AFDN: variants seen among roughly 807,000 people sequenced by gnomAD.
AFDN encodes the protein afadin.
A neutral mutation model predicts 216.6 loss-of-function variants in AFDN; 68 were observed. The ratio of observed to expected loss-of-function variants is 0.31; its 90% CI spans 0.26 to 0.38. The LOEUF is 0.38. AFDN is among the 10% of genes least tolerant of loss of function. AFDN has a pLI of 1.00. For missense variants in AFDN, 2,136 were observed against 2,342.0 expected, an observed-to-expected ratio of 0.91 and a Z score of 1.82; for synonymous variants, 868 against 853.7, an observed-to-expected ratio of 1.02 and a Z score of -0.29.
chr6:167,949,235 T>TA (rs1795687725), intron 29 of AFDN, among the ~76,000 whole-genome samples: 1 of 152,206 alleles, frequency 6.6e-6, no homozygotes, highest in South Asian at 2.1e-4. Context: ...TAAAAATAGT[T>TA]ACAGTCTAGG....
At chr6:167,917,255 CCA>C in intron 20 of AFDN, 23 bp downstream of exon 20, 1 of 1,565,556 alleles carries the variant, frequency 6.4e-7, no homozygotes, top group Non-Finnish European at 8.6e-7. Flanking sequence ...TGCCACATTA[CCA>C]CACAGTGCGG....
chr6:167,902,384 A>C lies in AFDN; in HGVS notation c.1648A>C (p.Lys550Gln), dbSNP rs374346926. ...TAGTGGGACAGCATTACCGACAAGC[A>C]AGGTAGGTAATTATGGATTACCTGA... ...IHSGTALPTSKSTTRLDSDRV... is the reference protein window; with the variant it reads ...IHSGTALPTSQSTTRLDSDRV... The change falls in exon 12 of 34, where the codon AAG becomes CAG. Residue 550 changes from lysine (K) to glutamine (Q), a missense_variant and splice_region_variant. Coordinates refer to ENST00000683244, the MANE Select transcript of AFDN (RefSeq NM_001386888.1). The C allele has an allele frequency of 3.7e-6, 6 of 1,609,548 alleles. No homozygotes were observed. In the African/African-American group the frequency reaches 8.0e-5, roughly 22 times the overall value.
At position 167,918,812 on chromosome 6, in the gene AFDN, G is replaced by T. The variant is rs770324614; in HGVS notation, c.2787G>T (p.Gln929His). Residue 929 changes from glutamine to histidine, a missense_variant, in exon 21 of 34, where the codon CAG (glutamine) becomes CAT (histidine). By Grantham distance (24) the Gln-to-His change is conservative. This residue lies in a region of AFDN where 162 missense variants were observed against 182.6 expected (regional missense o/e 0.89). Coordinates refer to ENST00000683244, the MANE Select transcript of AFDN (RefSeq NM_001386888.1). ...ELARSDGREV[Q>H]LEEDPDLQLP... is the part of the protein sequence containing the mutation. ...CCCGCAGTGATGGAAGGGAAGTGCA[G>T]TTGGAGGAGGATCCTGATCTGCAGC... 11 of 1,613,106 alleles carry T rather than the reference G, an allele frequency of 6.8e-6. No homozygotes were observed. Among genetic ancestry groups the T allele is most frequent in the Non-Finnish European group, 9.3e-6 (11 of 1,179,376 alleles).
Position 167,966,126 on chromosome 6 carries a change from C to T in AFDN, c.5257+81C>T, listed in dbSNP as rs924401698. 4.6e-6 allele frequency: 7 copies of T among 1,535,702 alleles called. No homozygotes were observed. The Admixed American group carries it at 1.2e-4, about 26-fold the overall frequency. On this transcript the variant is annotated intron_variant, in intron 32 of 33. Coordinates refer to ENST00000683244, the MANE Select transcript of AFDN (RefSeq NM_001386888.1). ...TCTTAAACCACGGCCACCCCCCTGC[C>T]AGCCACGCCCGGCCTCCGATGGCGT...
intron 1 of AFDN, among the ~76,000 whole-genome samples, chr6:167,852,349 T>A (rs1382383921): frequency 6.6e-6 from 1 of 152,200 alleles, no homozygotes; most frequent in African/African-American, 2.4e-5. Flanking sequence ...ATTGGGCTAC[T>A]TTTTCTGTAG....
At chr6:167,871,435 G>A (rs1784787070) in intron 3 of AFDN, among the ~76,000 whole-genome samples, 1 of 152,184 alleles carries the variant, frequency 6.6e-6, no homozygotes, top group African/African-American at 2.4e-5. Context: ...CCTAAGACCA[G>A]TGCAGTGCTC....
intron 30 of AFDN, among the ~76,000 whole-genome samples, chr6:167,957,197 G>T (rs561009082): frequency 1.3e-5 from 1 of 78,120 alleles, no homozygotes; most frequent in Admixed American, 1.4e-4. Flanking sequence ...GCTTCATATG[G>T]GGGGGGCCCA....
At chr6:167,906,312 G>A (rs1170049891) in intron 12 of AFDN, among the ~76,000 whole-genome samples, 9 of 152,156 alleles carry the variant, frequency 5.9e-5, no homozygotes, top group Admixed American at 4.6e-4. Context: ...ATTGTAAGAT[G>A]TTTGTAACAT....
rs201333894 is a variant in AFDN at position 167,947,914 on chromosome 6, A to G, written c.3615A>G (p.Thr1205=). 1.9e-5 allele frequency: 31 copies of G among 1,613,994 alleles called. No homozygotes were observed. In the Admixed American group the frequency reaches 3.3e-4, roughly 17 times the overall value. ...AYASGTTAKI[T]SVSTGNLCTE... Reference sequence around the variant, plus strand: ...CCTCTGGAACAACAGCGAAGATAACATCTGTCTCTACTGGAAACCTCTGCA... The same window carrying G: ...CCTCTGGAACAACAGCGAAGATAACGTCTGTCTCTACTGGAAACCTCTGCA... The change falls in exon 28 of 34, where the codon ACA becomes ACG. Residue 1205 remains threonine (T), a synonymous_variant. Transcript: ENST00000683244.
chr6:167,954,585 A>C, intron 30 of AFDN: 1 of 1,127,922 alleles, frequency 8.9e-7, no homozygotes, highest in Non-Finnish European at 1.3e-6. Flanking sequence ...CAGTAGATCC[A>C]GTTCTCCTTA....
At chr6:167,910,989 G>A in intron 13 of AFDN, 112 bp from the exon 14 acceptor site, 3 of 838,858 alleles carry the variant, frequency 3.6e-6, no homozygotes, top group Non-Finnish European at 5.8e-6. Flanking sequence ...ATTTTACGTT[G>A]GAAAGATTAG....
chr6:167,890,416 G>T (rs369412272), intron 7 of AFDN, among the ~76,000 whole-genome samples: 2 of 152,204 alleles, frequency 1.3e-5, no homozygotes, highest in South Asian at 2.1e-4. Flanking sequence ...GGCGGTATTT[G>T]GTTACATGAA....
intron 1 of AFDN, among the ~76,000 whole-genome samples, chr6:167,836,207 T>A (rs985044171): frequency 6.6e-6 from 1 of 152,222 alleles, no homozygotes; most frequent in Non-Finnish European, 1.5e-5. Flanking sequence ...TATGGGACAT[T>A]TTCAAGTTCT....
intron 20 of AFDN, among the ~76,000 whole-genome samples, chr6:167,917,954 C>T (rs552266963): frequency 6.6e-6 from 1 of 152,192 alleles, no homozygotes; most frequent in African/African-American, 2.4e-5. Context: ...GTGCAAAGTG[C>T]ATAGAATATG....
Position 167,925,957 on chromosome 6 carries a change from TTCTATC to T in AFDN, c.3099+871_3099+876del, listed in dbSNP as rs941111372. On this transcript the variant is annotated intron_variant, in intron 23 of 33. Transcript: ENST00000683244. ...TGGCCACTACAATTTGTATTTTTGT[TTCTATC>T]TCTAGGGAATATATGAAAAGCTTGA... Among the ~76,000 whole-genome samples the T allele has an allele frequency of 9.0e-4, 137 of 152,354 alleles. 1 individual carries two copies. Among genetic ancestry groups the T allele is most frequent in the African/African-American group, 3.2e-3 (133 of 41,576 alleles).
chr6:167,863,410 T>G (rs1783808651), intron 1 of AFDN, among the ~76,000 whole-genome samples: 1 of 152,238 alleles, frequency 6.6e-6, no homozygotes, highest in Non-Finnish European at 1.5e-5. Flanking sequence ...AAAGAAAGGC[T>G]TCATTCAGTG....
chr6:167,924,848 T>G, intron 22 of AFDN, 157 bp from the exon 23 acceptor site: 1 of 701,862 alleles, frequency 1.4e-6, no homozygotes, highest in Non-Finnish European at 2.6e-6. Context: ...CTGAAGAGTA[T>G]CTATATTAAT....
chr6:167,902,461 GA>G (rs1347822960), intron 12 of AFDN, 75 bp downstream of exon 12: 54 of 1,092,088 alleles, frequency 4.9e-5, no homozygotes, highest in Non-Finnish European at 7.2e-5. Flanking sequence ...AGTGGTGGGG[GA>G]TGTGTTCCCC....
At chr6:167,882,133 G>A (rs1167655646) in intron 6 of AFDN, among the ~76,000 whole-genome samples, 2 of 152,046 alleles carry the variant, frequency 1.3e-5, no homozygotes, top group East Asian at 3.9e-4. Context: ...GACTTACAGA[G>A]ATAAAGAAAA....
Sources: allele counts gnomAD v4.1 joint callset (sites outside exome capture counted in the v4.1 genomes callset), GRCh38; gene constraint gnomAD v4.1.1; regional missense constraint gnomAD v4.1.1; transcripts MANE v1.5; gene names NCBI Gene and HGNC (gene_info 2026-07-23, HGNC 2026-07-21).